NCMAP: variants seen among roughly 807,000 people sequenced by gnomAD.
NCMAP encodes the protein non-compact myelin associated protein.
NCMAP carries 8 observed loss-of-function variants against 7.8 expected under a neutral mutation model. The observed-to-expected ratio is 1.02, with a 90% CI of 0.60 to 1.84. NCMAP has a LOEUF of 1.84. Among genes scored for constraint, NCMAP ranks in the 40% most tolerant of loss-of-function variants. NCMAP has a pLI of 0.00. For synonymous variants in NCMAP, 41 were observed against 52.9 expected (o/e 0.78, Z 0.98); for missense variants, 112 against 131.4 (o/e 0.85, Z 0.72).
chr1:24,591,394 A>G (rs1176187573), intron 1 of NCMAP, among the ~76,000 whole-genome samples: 1 of 152,148 alleles, frequency 6.6e-6, no homozygotes, highest in Non-Finnish European at 1.5e-5. Flanking sequence ...CAGCCTCCCA[A>G]GTAGCTGGGA....
In NCMAP at chr1:24,600,931, T is replaced by G. The variant is rs1186132217; in HGVS notation, c.83-9T>G. ...ACATTCACGGTCTCTGCTTCTCTCC[T>G]TTCTGTAGGTTCTGGAGCCATTGTT... On this transcript the variant is annotated splice_polypyrimidine_tract_variant and intron_variant, in intron 2 of 3. Coordinates refer to ENST00000374392, the MANE Select transcript of NCMAP (RefSeq NM_001010980.5). 2 of 1,613,876 alleles carry G rather than the reference T, an allele frequency of 1.2e-6. No individual in the cohort carries two copies. Among genetic ancestry groups the G allele is most frequent in the Admixed American group, 3.3e-5 (2 of 60,022 alleles).
intron 1 of NCMAP, among the ~76,000 whole-genome samples, chr1:24,585,348 A>T (rs1233257933): frequency 1.3e-5 from 2 of 152,152 alleles, no homozygotes; most frequent in African/African-American, 4.8e-5. Context: ...GCCAAATCAA[A>T]GCCCCTTCAT....
rs6666041 is a variant in NCMAP at position 24,558,766 on chromosome 1, T to C, written c.-8+2597T>C. On this transcript the variant is annotated intron_variant, in intron 1 of 3. Transcript: ENST00000374392. ...TCTGGACGTGATGTTCAGGGTCACGTAGAGTTGGGGAAGACCATTTCTCCT... is the reference window on the plus strand; with the variant it reads ...TCTGGACGTGATGTTCAGGGTCACGCAGAGTTGGGGAAGACCATTTCTCCT... 3.0e-3 allele frequency among the ~76,000 whole-genome samples: 453 copies of C among 152,306 alleles called. 3 individuals carry two copies. Among genetic ancestry groups the C allele is most frequent in the African/African-American group, 0.01 (430 of 41,564 alleles).
chr1:24,581,908 G>C (rs1651758775), intron 1 of NCMAP, among the ~76,000 whole-genome samples: 1 of 152,204 alleles, frequency 6.6e-6, no homozygotes, highest in African/African-American at 2.4e-5. Context: ...GCTGGCAGGG[G>C]CTGGGCTGGA....
At chr1:24,598,933 C>T (rs1169327799) in intron 2 of NCMAP, among the ~76,000 whole-genome samples, 3 of 151,636 alleles carry the variant, frequency 2.0e-5, no homozygotes, top group African/African-American at 4.8e-5. Context: ...CCACCAAACC[C>T]AGCAGTTCTT....
At chr1:24,578,831 T>C (rs768800111) in intron 1 of NCMAP, among the ~76,000 whole-genome samples, 2 of 152,066 alleles carry the variant, frequency 1.3e-5, no homozygotes, top group Non-Finnish European at 2.9e-5. Context: ...CCTCCCAAAG[T>C]GCTGGGATTA....
At chr1:24,571,041 C>T (rs1325398554) in intron 1 of NCMAP, among the ~76,000 whole-genome samples, 3 of 150,700 alleles carry the variant, frequency 2.0e-5, no homozygotes, top group Admixed American at 6.6e-5. Flanking sequence ...TGCTTCACAA[C>T]GAGGGACATT....
At chr1:24,597,614 A>AG (rs1396588849) in intron 2 of NCMAP, among the ~76,000 whole-genome samples, 57 of 91,168 alleles carry the variant, frequency 6.3e-4, no homozygotes, top group African/African-American at 1.7e-3. Flanking sequence ...AGAAAGAAAG[A>AG]AAGAGAAAGA....
intron 1 of NCMAP, among the ~76,000 whole-genome samples, chr1:24,586,964 A>C (rs905606879): frequency 6.6e-6 from 1 of 152,202 alleles, no homozygotes; most frequent in South Asian, 2.1e-4. Context: ...TGCTGAGTAT[A>C]GGACATGCTT....
chr1:24,602,080 A>G (rs532817468), intron 3 of NCMAP, among the ~76,000 whole-genome samples: 1 of 151,980 alleles, frequency 6.6e-6, no homozygotes, highest in African/African-American at 2.4e-5. Context: ...TTAGAAGTGC[A>G]CTGATTAATA....
chr1:24,567,450 C>A (rs1254599514), intron 1 of NCMAP, among the ~76,000 whole-genome samples: 2 of 152,164 alleles, frequency 1.3e-5, no homozygotes, highest in Non-Finnish European at 2.9e-5. Flanking sequence ...TATCAGCACC[C>A]ACTAGGGCCC....
intron 1 of NCMAP, among the ~76,000 whole-genome samples, chr1:24,590,681 G>A (rs960249764): frequency 6.6e-6 from 1 of 152,116 alleles, no homozygotes; most frequent in African/African-American, 2.4e-5. Flanking sequence ...GCTCACTGTA[G>A]TTTGTGCCAT....
chr1:24,560,803 G>C (rs113587523), intron 1 of NCMAP, among the ~76,000 whole-genome samples: 1 of 151,666 alleles, frequency 6.6e-6, no homozygotes, highest in African/African-American at 2.4e-5. Flanking sequence ...CCAATCCCAT[G>C]ACCCTCATGG....
At chr1:24,584,250 G>A (rs995066988) in intron 1 of NCMAP, among the ~76,000 whole-genome samples, 3 of 152,156 alleles carry the variant, frequency 2.0e-5, no homozygotes, top group Admixed American at 6.5e-5. Context: ...AGAGGTAGAC[G>A]GAAGCCACAG....
At chr1:24,558,397 G>T (rs928167581) in intron 1 of NCMAP, among the ~76,000 whole-genome samples, 1 of 152,154 alleles carries the variant, frequency 6.6e-6, no homozygotes, top group Non-Finnish European at 1.5e-5. Flanking sequence ...GGAGCTTTTG[G>T]CTTTGAGAGA....
At chr1:24,586,420 G>A (rs1048392878) in intron 1 of NCMAP, among the ~76,000 whole-genome samples, 3 of 152,236 alleles carry the variant, frequency 2.0e-5, no homozygotes, top group Non-Finnish European at 4.4e-5. Flanking sequence ...TCATGATATT[G>A]TCATCATGCG....
intron 1 of NCMAP, among the ~76,000 whole-genome samples, chr1:24,587,967 A>T (rs1266406874): frequency 6.6e-6 from 1 of 151,536 alleles, no homozygotes; most frequent in Non-Finnish European, 1.5e-5. Flanking sequence ...ATTTTTTTTT[A>T]GGAGTTTAGG....
intron 1 of NCMAP, chr1:24,589,721 T>G (rs1651990517): frequency 1.3e-5 from 2 of 152,358 alleles, no homozygotes; most frequent in Non-Finnish European, 2.9e-5. Flanking sequence ...CAGGGTGGTG[T>G]GGTAGGAAGG....
chr1:24,596,367 T>C (rs1652226155), intron 2 of NCMAP, among the ~76,000 whole-genome samples: 1 of 152,178 alleles, frequency 6.6e-6, no homozygotes, highest in South Asian at 2.1e-4. Context: ...TCTTATAAAA[T>C]GGCTCTAAAT....
Sources: gnomAD v4.1 joint callset for allele counts (sites outside exome capture counted in the v4.1 genomes callset) on GRCh38, gnomAD v4.1.1 for gene constraint, MANE v1.5 for transcripts, NCBI Gene and HGNC (gene_info 2026-07-23, HGNC 2026-07-21) for gene names.